Variants in SPAG16 observed in about 807,000 individuals in gnomAD.
SPAG16 encodes sperm associated antigen 16.
In SPAG16, 86 loss-of-function variants were observed where a neutral mutation model predicts 80.4. That is an observed-to-expected ratio of 1.07 (90% CI 0.90 to 1.28). SPAG16 has a LOEUF of 1.28. SPAG16 is among the 50% of genes most tolerant of loss of function. SPAG16 has a pLI of 0.00. For synonymous variants in SPAG16, 294 were observed against 265.9 expected (o/e 1.11, Z -1.03); for missense variants, 870 against 765.3 (o/e 1.14, Z -1.61).
chr2:214,394,554 T>C (rs1701256200), intron 15 of SPAG16, among the ~76,000 whole-genome samples: 1 of 152,210 alleles, frequency 6.6e-6, no homozygotes, highest in Non-Finnish European at 1.5e-5. Context: ...TAAACTCATA[T>C]TGGTTTCAAA....
At chr2:214,249,917 AT>A (rs1294009812) in intron 15 of SPAG16, 4 of 152,136 alleles carry the variant, frequency 2.6e-5, no homozygotes, top group Admixed American at 2.6e-4. Flanking sequence ...ATGAAAGTTT[AT>A]TTTTCACTCA....
rs1316635776 is a variant in SPAG16 at position 213,909,253 on chromosome 2, C to T, written c.1215-20707C>T. Among the ~76,000 whole-genome samples the T allele has an allele frequency of 5.3e-5, 8 of 152,062 alleles. No homozygotes were observed. In the South Asian group the frequency reaches 6.2e-4, roughly 12 times the overall value. On this transcript the variant is annotated intron_variant, in intron 11 of 15. Coordinates refer to ENST00000331683, the MANE Select transcript of SPAG16 (RefSeq NM_024532.5). ...GGATACAAAGAAATGGAAGAACATTCCATGCTCATGGGTAGGAAGAATCAA... is the reference window on the plus strand; with the variant it reads ...GGATACAAAGAAATGGAAGAACATTTCATGCTCATGGGTAGGAAGAATCAA...
At chr2:213,393,741 C>T (rs1005789390) in intron 9 of SPAG16, among the ~76,000 whole-genome samples, 3 of 151,980 alleles carry the variant, frequency 2.0e-5, no homozygotes, top group Non-Finnish European at 4.4e-5. Flanking sequence ...AGAGCTCCTA[C>T]TACTCTATAT....
intron 15 of SPAG16, among the ~76,000 whole-genome samples, chr2:214,344,399 T>C (rs1359764067): frequency 6.6e-6 from 1 of 152,194 alleles, no homozygotes; most frequent in African/African-American, 2.4e-5. Context: ...TTCCTTGCTT[T>C]TATAAATATG....
At chr2:213,939,675 C>T (rs955698344) in intron 12 of SPAG16, among the ~76,000 whole-genome samples, 5 of 152,220 alleles carry the variant, frequency 3.3e-5, no homozygotes, top group Admixed American at 1.3e-4. Context: ...GAAAAGAAAA[C>T]TTTCCTGTGA....
At chr2:214,382,740 T>C (rs1237965600) in intron 15 of SPAG16, among the ~76,000 whole-genome samples, 1 of 152,214 alleles carries the variant, frequency 6.6e-6, no homozygotes, top group Non-Finnish European at 1.5e-5. Flanking sequence ...CCTTTGTGTC[T>C]CCAAATAATT....
intron 7 of SPAG16, among the ~76,000 whole-genome samples, chr2:213,354,680 GTCT>G (rs2065529148): frequency 6.6e-6 from 1 of 152,140 alleles, no homozygotes; most frequent in African/African-American, 2.4e-5. Context: ...CTGCATAAAT[GTCT>G]TCTTTTGAGA....
chr2:214,245,284 G>T (rs754598772), intron 15 of SPAG16, among the ~76,000 whole-genome samples: 1 of 152,036 alleles, frequency 6.6e-6, no homozygotes, highest in Non-Finnish European at 1.5e-5. Context: ...CACCCTATAT[G>T]CTGCAGTTCC....
chr2:213,320,765 T>G (rs2126146404), intron 5 of SPAG16, among the ~76,000 whole-genome samples: 1 of 152,240 alleles, frequency 6.6e-6, no homozygotes, highest in African/African-American at 2.4e-5. Flanking sequence ...TAAAAATGGC[T>G]TAATAACATT....
intron 9 of SPAG16, among the ~76,000 whole-genome samples, chr2:213,440,623 T>A (rs1321154708): frequency 6.6e-6 from 1 of 152,068 alleles, no homozygotes; most frequent in African/African-American, 2.4e-5. Context: ...GAGAAAGAGA[T>A]CCATGCATAC....
intron 12 of SPAG16, among the ~76,000 whole-genome samples, chr2:213,968,865 G>C (rs775261116): frequency 2.0e-5 from 3 of 152,162 alleles, no homozygotes; most frequent in Non-Finnish European, 2.9e-5. Context: ...TTTGTACATA[G>C]CACATATATA....
At chr2:213,954,146 T>TC (rs1284895404) in intron 12 of SPAG16, among the ~76,000 whole-genome samples, 1 of 151,618 alleles carries the variant, frequency 6.6e-6, no homozygotes, top group Non-Finnish European at 1.5e-5. Context: ...CCTATTTTTT[T>TC]TTTTTTTTTG....
intron 10 of SPAG16, among the ~76,000 whole-genome samples, chr2:213,700,445 T>G (rs1412181256): frequency 6.6e-6 from 1 of 152,222 alleles, no homozygotes; most frequent in Non-Finnish European, 1.5e-5. Flanking sequence ...CTTTTTTTGC[T>G]GTAATGATGA....
chr2:214,154,508 C>T (rs1055947705), intron 15 of SPAG16, among the ~76,000 whole-genome samples: 1 of 142,250 alleles, frequency 7.0e-6, no homozygotes, highest in Non-Finnish European at 1.5e-5. Context: ...ACCCCCCCCC[C>T]CCATTTTTTC....
intron 10 of SPAG16, among the ~76,000 whole-genome samples, chr2:213,817,552 A>G (rs1003909642): frequency 1.3e-5 from 2 of 152,052 alleles, no homozygotes; most frequent in Non-Finnish European, 2.9e-5. Flanking sequence ...TTGCAGCACT[A>G]TTTACAATAG....
chr2:213,544,687 C>G (rs1253991523), intron 10 of SPAG16, among the ~76,000 whole-genome samples: 3 of 152,018 alleles, frequency 2.0e-5, no homozygotes, highest in African/African-American at 7.2e-5. Context: ...TATCGCTCCC[C>G]CCTCGTACCC....
intron 10 of SPAG16, among the ~76,000 whole-genome samples, chr2:213,720,483 A>T (rs922219982): frequency 2.6e-5 from 4 of 150,972 alleles, no homozygotes; most frequent in African/African-American, 9.7e-5. Flanking sequence ...AAAAAAAAAA[A>T]AAAAATTAGC....
intron 7 of SPAG16, among the ~76,000 whole-genome samples, chr2:213,361,420 A>G (rs1202154193): frequency 6.6e-6 from 1 of 150,524 alleles, no homozygotes; most frequent in Non-Finnish European, 1.5e-5. Flanking sequence ...ATCTAAATAT[A>G]TATATATATT....
At chr2:214,316,497 G>A (rs1465615373) in intron 15 of SPAG16, among the ~76,000 whole-genome samples, 3 of 152,260 alleles carry the variant, frequency 2.0e-5, no homozygotes, top group East Asian at 1.9e-4. Flanking sequence ...TGCCTGCAAC[G>A]TTGCTAGCAC....
Sources: gnomAD v4.1 joint callset for allele counts (sites outside exome capture counted in the v4.1 genomes callset) on GRCh38, gnomAD v4.1.1 for gene constraint, MANE v1.5 for transcripts, NCBI Gene and HGNC (gene_info 2026-07-23, HGNC 2026-07-21) for gene names.